CACNA2D3: variants seen among roughly 807,000 people sequenced by gnomAD.
CACNA2D3 encodes calcium voltage-gated channel auxiliary subunit alpha2delta 3.
A neutral mutation model predicts 160.6 loss-of-function variants in CACNA2D3; 60 were observed. The observed-to-expected ratio is 0.37, with a 90% CI of 0.30 to 0.46. CACNA2D3 has a LOEUF of 0.46. Among genes scored for constraint, CACNA2D3 ranks in the 20% least tolerant of loss-of-function variants. CACNA2D3 has a pLI of 1.00. For missense variants in CACNA2D3, 1,205 were observed against 1,365.0 expected (o/e 0.88, Z 1.85); for synonymous variants, 558 against 492.9 (o/e 1.13, Z -1.75).
intron 35 of CACNA2D3, among the ~76,000 whole-genome samples, chr3:55,056,022 G>C (rs927969517): frequency 6.6e-6 from 1 of 152,110 alleles, no homozygotes; most frequent in African/African-American, 2.4e-5. Flanking sequence ...TCTACAGATT[G>C]AGAGAAAATG....
intron 13 of CACNA2D3, among the ~76,000 whole-genome samples, chr3:54,811,435 C>G (rs1046708467): frequency 1.2e-4 from 18 of 149,574 alleles, no homozygotes; most frequent in Non-Finnish European, 2.4e-4. Flanking sequence ...CTCCACACCA[C>G]CAGTGTGCTG....
At chr3:54,475,824 T>TGTGTGTGTGTGTGTGTGTGTGA in intron 4 of CACNA2D3, among the ~76,000 whole-genome samples, 1 of 151,670 alleles carries the variant, frequency 6.6e-6, no homozygotes, top group East Asian at 1.9e-4. Context: ...TGTGTGTGTG[T>TGTGTGTGTGTGTGTGTGTGTGA]GTGTGTGTGT....
At position 55,074,433 on chromosome 3, in the gene CACNA2D3, C is replaced by CACATGATAATCACCCTTCATCAGAAAT. The variant is rs1704906804; in HGVS notation, c.*228_*254dup. Reference sequence around the variant, plus strand: ...GCCAGTCATGCAAATGTGAGTTTGCCACATGATAATCACCCTTCATCAGAA... The same window carrying CACATGATAATCACCCTTCATCAGAAAT: ...GCCAGTCATGCAAATGTGAGTTTGCCACATGATAATCACCCTTCATCAGAAATACATGATAATCACCCTTCATCAGAA... On this transcript the variant is annotated 3_prime_UTR_variant, in exon 38 of 38. Coordinates refer to ENST00000474759, the MANE Select transcript of CACNA2D3 (RefSeq NM_018398.3). The CACATGATAATCACCCTTCATCAGAAAT allele has an allele frequency of 3.7e-6, 2 of 542,778 alleles. No homozygotes were observed. The highest frequency in any genetic ancestry group is 4.5e-5 in the South Asian group (2 of 44,862). The allele number at this position is 542,778 out of a possible 1,614,324, so 33.6% of individuals were successfully genotyped here.
intron 35 of CACNA2D3, among the ~76,000 whole-genome samples, chr3:55,042,464 C>T (rs921258060): frequency 1.3e-5 from 2 of 152,104 alleles, no homozygotes; most frequent in Admixed American, 6.6e-5. Flanking sequence ...TTAGCCAAAC[C>T]AGCTTTCTTC....
At chr3:54,276,390 G>A (rs1292164782) in intron 2 of CACNA2D3, among the ~76,000 whole-genome samples, 4 of 152,030 alleles carry the variant, frequency 2.6e-5, no homozygotes, top group East Asian at 1.9e-4. Flanking sequence ...CCACCACGGC[G>A]AAACCCTGTC....
rs1309089366 is a variant in CACNA2D3 at position 54,764,443 on chromosome 3, T to A, written c.1380+92T>A. The A allele has an allele frequency of 2.0e-6, 3 of 1,466,952 alleles. No individual in the cohort carries two copies. In the African/African-American group the frequency reaches 4.2e-5, roughly 20 times the overall value. 90.9% of individuals were successfully genotyped at this position (1,466,952 alleles called of 1,614,324 possible). A position where few individuals can be genotyped will look rare whatever the true frequency, so the allele number is the denominator to read the frequency against. ...GAAAATAGCAACTGTATCACTCTTA[T>A]TTTTTGTGTTCAGTGACACTTTTCT... On this transcript the variant is annotated intron_variant, in intron 13 of 37. Transcript: ENST00000474759.
At chr3:54,131,158 C>T (rs1699698987) in intron 2 of CACNA2D3, among the ~76,000 whole-genome samples, 1 of 152,196 alleles carries the variant, frequency 6.6e-6, no homozygotes, top group African/African-American at 2.4e-5. Flanking sequence ...TGGCTGCATA[C>T]ATACATGTGT....
rs192368975 is a variant in CACNA2D3 at position 54,328,757 on chromosome 3, G to A, written c.321+8199G>A. 8.3e-4 allele frequency among the ~76,000 whole-genome samples: 126 copies of A among 152,298 alleles called. 1 individual carries two copies. The highest frequency in any genetic ancestry group is 2.9e-3 in the East Asian group (15 of 5,174). On this transcript the variant is annotated intron_variant, in intron 3 of 37. Coordinates refer to ENST00000474759, the MANE Select transcript of CACNA2D3 (RefSeq NM_018398.3). ...CATCCTCCCACAGAGAGGAATGTGGGTGTAGGCACTCTGCTGGACATGCTT... is the reference window on the plus strand; with the variant it reads ...CATCCTCCCACAGAGAGGAATGTGGATGTAGGCACTCTGCTGGACATGCTT...
chr3:54,849,130 T>C lies in CACNA2D3; in HGVS notation c.1626+2663T>C, dbSNP rs550465782. On this transcript the variant is annotated intron_variant, in intron 17 of 37. Coordinates refer to ENST00000474759, the MANE Select transcript of CACNA2D3 (RefSeq NM_018398.3). Reference sequence around the variant, plus strand: ...CATACACCATCAGTTTTCTTTTTGGTTCTACGGCAAGCTTGGCCAACTGTG... The same window carrying C: ...CATACACCATCAGTTTTCTTTTTGGCTCTACGGCAAGCTTGGCCAACTGTG... 2.6e-5 allele frequency among the ~76,000 whole-genome samples: 4 copies of C among 152,272 alleles called. No individual in the cohort carries two copies. The South Asian group carries it at 8.3e-4, about 32-fold the overall frequency.
chr3:54,500,618 CT>C (rs1003238388), intron 4 of CACNA2D3, among the ~76,000 whole-genome samples: 3 of 140,824 alleles, frequency 2.1e-5, no homozygotes, highest in South Asian at 2.3e-4. Flanking sequence ...TTATTTCTTT[CT>C]TTTTTTCTTC....
chr3:54,674,832 G>A (rs1186513909), intron 11 of CACNA2D3, among the ~76,000 whole-genome samples: 1 of 152,182 alleles, frequency 6.6e-6, no homozygotes, highest in Non-Finnish European at 1.5e-5. Flanking sequence ...ATGCAGTATT[G>A]ACAATGACAA....
At chr3:54,625,569 T>G (rs1417363047) in intron 9 of CACNA2D3, among the ~76,000 whole-genome samples, 1 of 152,220 alleles carries the variant, frequency 6.6e-6, no homozygotes. Flanking sequence ...GGAAGGTTGC[T>G]ATGACAGTGG....
intron 29 of CACNA2D3, 67 bp from the exon 30 acceptor site, chr3:54,984,541 T>G (rs1702573695): frequency 2.3e-6 from 2 of 887,926 alleles, no homozygotes; most frequent in East Asian, 5.3e-5. Flanking sequence ...TCATTCTGTT[T>G]AAAAGCAGTG....
chr3:54,138,163 C>T (rs1055050434), intron 2 of CACNA2D3, among the ~76,000 whole-genome samples: 17 of 152,222 alleles, frequency 1.1e-4, no homozygotes, highest in East Asian at 3.9e-4. Flanking sequence ...GTGGTGGCCT[C>T]GATTTGTGAA....
intron 35 of CACNA2D3, among the ~76,000 whole-genome samples, chr3:55,051,372 G>A (rs1236675646): frequency 2.1e-5 from 3 of 142,234 alleles, no homozygotes; most frequent in Non-Finnish European, 4.5e-5. Context: ...CGTGTGAGGT[G>A]TCAGTGTGCC....
chr3:54,295,670 A>C (rs1703326940), intron 2 of CACNA2D3, among the ~76,000 whole-genome samples: 1 of 152,226 alleles, frequency 6.6e-6, no homozygotes, highest in Admixed American at 6.5e-5. Flanking sequence ...TAGTTAGTCT[A>C]GCTTAGTGAA....
chr3:54,200,141 G>C (rs188551752), intron 2 of CACNA2D3, among the ~76,000 whole-genome samples: 1 of 152,214 alleles, frequency 6.6e-6, no homozygotes, highest in Non-Finnish European at 1.5e-5. Context: ...CACATCAGTG[G>C]CTGAAGTCTG....
intron 18 of CACNA2D3, among the ~76,000 whole-genome samples, chr3:54,877,932 C>G (rs1699701346): frequency 6.6e-6 from 1 of 152,162 alleles, no homozygotes; most frequent in East Asian, 1.9e-4. Flanking sequence ...TCTCCCTGTC[C>G]AAAACCACAA....
chr3:54,419,402 CTTG>C (rs1277083266), intron 4 of CACNA2D3, among the ~76,000 whole-genome samples: 1 of 152,206 alleles, frequency 6.6e-6, no homozygotes, highest in East Asian at 1.9e-4. Flanking sequence ...AGTTTCATTT[CTTG>C]TTGTTTTACA....
Sources: allele counts gnomAD v4.1 joint callset (sites outside exome capture counted in the v4.1 genomes callset), GRCh38; gene constraint gnomAD v4.1.1; transcripts MANE v1.5; gene names NCBI Gene and HGNC (gene_info 2026-07-23, HGNC 2026-07-21).